Variants in SLC41A1 observed in about 807,000 individuals in gnomAD.
SLC41A1 encodes solute carrier family 41 member 1.
A neutral mutation model predicts 47.3 loss-of-function variants in SLC41A1; 20 were observed. That is an observed-to-expected ratio of 0.42 (90% CI 0.30 to 0.61). SLC41A1 has a LOEUF of 0.61. Ranked by LOEUF, SLC41A1 falls within the 20% of genes least tolerant of loss-of-function variation. The pLI is 0.17. For missense variants in SLC41A1, 504 were observed against 674.1 expected, an observed-to-expected ratio of 0.75 and a Z score of 2.79; for synonymous variants, 282 against 272.7, an observed-to-expected ratio of 1.03 and a Z score of -0.34.
chr1:205,796,896 C>T, intron 8 of SLC41A1, 28 bp downstream of exon 8: 1 of 1,605,994 alleles, frequency 6.2e-7, no homozygotes, highest in Non-Finnish European at 8.5e-7. Context: ...CCAGCCCTGC[C>T]CTCTGATAGC....
chr1:205,795,540 T>C, intron 8 of SLC41A1, 62 bp from the exon 9 acceptor site: 2 of 1,590,856 alleles, frequency 1.3e-6, no homozygotes, highest in Non-Finnish European at 1.7e-6. Flanking sequence ...GGGAACAAAA[T>C]GATCTTCTCA....
intron 2 of SLC41A1, among the ~76,000 whole-genome samples, chr1:205,802,697 A>G (rs1019957131): frequency 4.8e-5 from 7 of 145,076 alleles, no homozygotes; most frequent in Admixed American, 4.8e-4. Flanking sequence ...CAGCCTGGGC[A>G]ATAAGAGTGA....
rs1450801477 is a variant in SLC41A1 at position 205,805,815 on chromosome 1, C to T, written c.372+4255G>A. ...GTACCTCTTCCTTGCCCTTCCAATGCGCCTCTTCCATCCTTCACCTACTCC... is the reference window on the plus strand; with the variant it reads ...GTACCTCTTCCTTGCCCTTCCAATGTGCCTCTTCCATCCTTCACCTACTCC... On this transcript the variant is annotated intron_variant, in intron 2 of 10. Transcript: ENST00000367137. Among the ~76,000 whole-genome samples, 3 of 152,218 alleles carry T rather than the reference C, an allele frequency of 2.0e-5. No homozygotes were observed. The East Asian group carries it at 5.8e-4, about 29-fold the overall frequency.
chr1:205,799,520 G>A (rs1303329494), intron 4 of SLC41A1, among the ~76,000 whole-genome samples: 1 of 152,154 alleles, frequency 6.6e-6, no homozygotes, highest in Non-Finnish European at 1.5e-5. Context: ...AGGATCTGCT[G>A]GGACTCAAAG....
At chr1:205,809,073 T>C (rs1252022922) in intron 2 of SLC41A1, among the ~76,000 whole-genome samples, 3 of 152,204 alleles carry the variant, frequency 2.0e-5, no homozygotes, top group Non-Finnish European at 4.4e-5. Flanking sequence ...TTGGTATTAA[T>C]ATTTCTCTGA....
At chr1:205,797,656 G>C (rs1455583733) in intron 7 of SLC41A1, among the ~76,000 whole-genome samples, 1 of 152,176 alleles carries the variant, frequency 6.6e-6, no homozygotes, top group Non-Finnish European at 1.5e-5. Context: ...CAGAGTACTG[G>C]GGCCCTGATC....
At chr1:205,795,157 C>T in intron 9 of SLC41A1, 139 bp from the exon 10 acceptor site, 1 of 1,421,478 alleles carries the variant, frequency 7.0e-7, no homozygotes, top group Non-Finnish European at 9.6e-7. Flanking sequence ...ATCCTGTGGT[C>T]TCCAACCCCT....
In SLC41A1 at chr1:205,810,035, G is replaced by C; in HGVS notation, c.372+35C>G. ...TCCCAGCAGGCAAAGGTGGCCCTGG[G>C]CTCACAGTCAAGAGCTGCCCTACTC... On this transcript the variant is annotated intron_variant, in intron 2 of 10. Coordinates refer to ENST00000367137, the MANE Select transcript of SLC41A1 (RefSeq NM_173854.6). This position sits in a 1 kb window ranked among gnomAD's most constrained non-coding sequence, Gnocchi z 5.5. The C allele has an allele frequency of 6.2e-7, 1 of 1,613,808 alleles. No individual in the cohort carries two copies. Among genetic ancestry groups the C allele is most frequent in the South Asian group, 1.1e-5 (1 of 90,998 alleles).
chr1:205,799,112 G>T lies in SLC41A1; in HGVS notation c.553-11C>A, dbSNP rs747321870. 1.6e-5 allele frequency: 26 copies of T among 1,611,596 alleles called. No homozygotes were observed. The highest frequency in any genetic ancestry group is 2.2e-4 in the Middle Eastern group (1 of 4,556). On this transcript the variant is annotated splice_polypyrimidine_tract_variant and intron_variant, in intron 4 of 10. Coordinates refer to ENST00000367137, the MANE Select transcript of SLC41A1 (RefSeq NM_173854.6). ...CACCGTGGCCTGCACCTGGGGACAG[G>T]AGTGGTAACTCAGAAAGCCCTGAGA... is the stretch of plus-strand genomic sequence containing the variant.
intron 10 of SLC41A1, among the ~76,000 whole-genome samples, chr1:205,793,138 G>C (rs565840843): frequency 6.6e-6 from 1 of 152,298 alleles, no homozygotes; most frequent in African/African-American, 2.4e-5. Flanking sequence ...GCATGGCCAG[G>C]AGGCCTTTGG....
At chr1:205,801,196 C>T in intron 2 of SLC41A1, 136 bp from the exon 3 acceptor site, 1 of 709,966 alleles carries the variant, frequency 1.4e-6, no homozygotes, top group Non-Finnish European at 2.5e-6. Flanking sequence ...CACCTTTCCT[C>T]CAAGAACCTT....
At chr1:205,802,459 A>G (rs971184363) in intron 2 of SLC41A1, among the ~76,000 whole-genome samples, 6 of 152,128 alleles carry the variant, frequency 3.9e-5, no homozygotes, top group Non-Finnish European at 8.8e-5. Context: ...GCTCACACCT[A>G]TAATCCCAGC....
At chr1:205,793,785 G>C (rs1655678622) in intron 10 of SLC41A1, among the ~76,000 whole-genome samples, 1 of 152,136 alleles carries the variant, frequency 6.6e-6, no homozygotes, top group African/African-American at 2.4e-5. Context: ...TAAAAAAGAG[G>C]AAGGAAATAA....
chr1:205,801,202 A>T, intron 2 of SLC41A1, 142 bp from the exon 3 acceptor site: 1 of 680,438 alleles, frequency 1.5e-6, no homozygotes, highest in Non-Finnish European at 2.6e-6. Flanking sequence ...TCCTCCAAGA[A>T]CCTTGGAACC....
chr1:205,803,943 C>T (rs915856415), intron 2 of SLC41A1, among the ~76,000 whole-genome samples: 6 of 151,678 alleles, frequency 4.0e-5, no homozygotes, highest in East Asian at 3.9e-4. Flanking sequence ...TTCATAGAGG[C>T]GGAAAGAAGA....
intron 9 of SLC41A1, 35 bp downstream of exon 9, chr1:205,795,309 C>T (rs757688614): frequency 1.9e-6 from 3 of 1,613,782 alleles, no homozygotes; most frequent in East Asian, 4.5e-5. Context: ...AGGCCCACTC[C>T]CCCCAGGGCT....
chr1:205,798,683 AG>A lies in SLC41A1; in HGVS notation c.829del (p.Leu277SerfsTer5). 1 of 1,614,190 alleles carries A rather than the reference AG, an allele frequency of 6.2e-7. No homozygotes were observed. The highest frequency in any genetic ancestry group is 1.1e-5 in the South Asian group (1 of 91,082). On this transcript the variant is annotated frameshift_variant, in exon 6 of 11. Coordinates refer to ENST00000367137, the MANE Select transcript of SLC41A1 (RefSeq NM_173854.6). LOFTEE classifies it high-confidence loss of function. The stretch of plus-strand genomic sequence containing the variant: ...TGGTGGCTCACTCAGTTCCAGGTAG[AG>A]TCCCCAGCTGATGCCTGAGAGCAGC... ...LALLSGISWGLYLELNHWRYI... is the reference protein window; with the variant it reads ...LALLSGISWGXYLELNHWRYI...
intron 7 of SLC41A1, 116 bp from the exon 8 acceptor site, chr1:205,797,119 C>T: frequency 1.1e-6 from 1 of 892,948 alleles, no homozygotes; most frequent in Non-Finnish European, 1.8e-6. Context: ...CACCATGGCT[C>T]TCAGGAGTTC....
intron 3 of SLC41A1, 37 bp downstream of exon 3, chr1:205,800,916 C>G: frequency 6.4e-7 from 1 of 1,571,090 alleles, no homozygotes; most frequent in Non-Finnish European, 8.8e-7. Flanking sequence ...GCCCAGAGTC[C>G]TCTCTGTGCC....
Sources: gnomAD v4.1 joint callset for allele counts (sites outside exome capture counted in the v4.1 genomes callset) on GRCh38, gnomAD v4.1.1 for gene constraint, Gnocchi (gnomAD v3.1) non-coding constraint, MANE v1.5 for transcripts, NCBI Gene and HGNC (gene_info 2026-07-23, HGNC 2026-07-21) for gene names.